GPC2: variants seen among roughly 807,000 people sequenced by gnomAD.
The protein encoded by GPC2 is glypican-2.
A neutral mutation model predicts 57.3 loss-of-function variants in GPC2; 42 were observed. That is an observed-to-expected ratio of 0.73 (90% CI 0.57 to 0.95). The LOEUF is 0.95. Among genes scored for constraint, GPC2 ranks in the 40% least tolerant of loss-of-function variants. The pLI is 0.00. For missense variants in GPC2, 745 were observed against 793.6 expected (o/e 0.94, Z 0.74); for synonymous variants, 364 against 343.4 (o/e 1.06, Z -0.66).
rs1799145046 is a variant in GPC2 at position 100,169,750 on chromosome 7, C to T, written c.*480G>A. The stretch of plus-strand genomic sequence containing the variant: ...TAAAATTTGGTTTAAGAAATTGATA[C>T]TGAAAAAACTCAACAGAACCCAGGC... On this transcript the variant is annotated 3_prime_UTR_variant, in exon 10 of 10. Transcript: ENST00000292377. 1 of 153,310 alleles carries T rather than the reference C, an allele frequency of 6.5e-6. No individual in the cohort carries two copies. Among genetic ancestry groups the T allele is most frequent in the African/African-American group, 2.4e-5 (1 of 41,418 alleles). The allele number at this position is 153,310 out of a possible 1,614,324, so 9.5% of individuals were successfully genotyped here.
intron 2 of GPC2, 136 bp from the exon 3 acceptor site, chr7:100,176,030 T>TG (rs2116989820): frequency 1.7e-6 from 1 of 594,028 alleles, no homozygotes; most frequent in East Asian, 6.4e-5. Context: ...CTCTCAGAGA[T>TG]GGGGCAGACA....
chr7:100,173,472 C>A, intron 5 of GPC2: 1 of 159,414 alleles, frequency 6.3e-6, no homozygotes, highest in South Asian at 2.0e-4. Context: ...GAGATGCGGT[C>A]TAGCTACGTT....
chr7:100,171,597 T>A lies in GPC2; in HGVS notation c.1252A>T (p.Met418Leu), dbSNP rs1275743904. The change falls in exon 8 of 10, where the codon ATG becomes TTG. Residue 418 changes from methionine to leucine, a missense_variant. Met to Leu is a conservative substitution (Grantham distance 15). Around this residue, in one of 2 missense-constraint regions of GPC2, gnomAD observed 607 missense variants for 603.9 expected, o/e 1.01. Coordinates refer to ENST00000292377, the MANE Select transcript of GPC2 (RefSeq NM_152742.3). The surrounding 1 kb of genome is among the most constrained non-coding windows in gnomAD (Gnocchi z 4.8). Reference sequence around the variant, plus strand: ...GCCTCCAGCGAGGCGTCCGCTGCCATGCGAGAGTCTCCGCACACCGTCAGG... The same window carrying A: ...GCCTCCAGCGAGGCGTCCGCTGCCAAGCGAGAGTCTCCGCACACCGTCAGG... ...LSLTVCGDSRMAADASLEAAP... is the reference protein window; with the variant it reads ...LSLTVCGDSRLAADASLEAAP... 6.6e-7 allele frequency: 1 copy of A among 1,525,274 alleles called. No individual in the cohort carries two copies. Among genetic ancestry groups the A allele is most frequent in the East Asian group, 2.7e-5 (1 of 37,422 alleles). The allele number at this position is 1,525,274 out of a possible 1,614,324, so 94.5% of individuals were successfully genotyped here.
Position 100,172,229 on chromosome 7 carries a change from GAGAGAA to G in GPC2, c.893-18_893-13del, listed in dbSNP as rs1799192127. The stretch of plus-strand genomic sequence containing the variant: ...GATCAGGAGACCATCTTAAGGGAGG[GAGAGAA>G]AGAGAAAGGATGGGATGAGTGGTGA... On this transcript the variant is annotated splice_polypyrimidine_tract_variant and intron_variant, in intron 5 of 9. Transcript: ENST00000292377. The G allele has an allele frequency of 1.2e-6, 2 of 1,613,090 alleles. No homozygotes were observed. The highest frequency in any genetic ancestry group is 1.3e-5 in the African/African-American group (1 of 74,878).
At position 100,177,079 on chromosome 7, in the gene GPC2, C is replaced by A. The variant is rs775950099; in HGVS notation, c.121G>T (p.Ala41Ser). 1 of 1,603,486 alleles carries A rather than the reference C, an allele frequency of 6.2e-7. No individual in the cohort carries two copies. The highest frequency in any genetic ancestry group is 8.5e-7 in the Non-Finnish European group (1 of 1,173,914). Reference sequence around the variant, plus strand: ...ATTAGGTTTAAGCTATATCCCCGGGCCCCCAGCACCTGCCGGGTCTCTGCA... The same window carrying A: ...ATTAGGTTTAAGCTATATCCCCGGGACCCCAGCACCTGCCGGGTCTCTGCA... Reference protein sequence around the residue: ...SCAETRQVLGARGYSLNLIPP... With the variant: ...SCAETRQVLGSRGYSLNLIPP... Residue 41 changes from alanine (A) to serine (S), a missense_variant, in exon 1 of 10, where the codon GCC (alanine) becomes TCC (serine). By Grantham distance (99) the Ala-to-Ser change is moderately conservative (BLOSUM62 1). Transcript: ENST00000292377.
chr7:100,175,943 G>A (rs1278577795), intron 2 of GPC2, 49 bp from the exon 3 acceptor site: 1 of 1,500,080 alleles, frequency 6.7e-7, no homozygotes. Flanking sequence ...GCCAAAGAAT[G>A]GGGAGAAAAG....
In GPC2 at chr7:100,173,878, A is replaced by G; in HGVS notation, c.849T>C (p.Cys283=). ...CAGGCTCCAGTCCCCTGCTGCTGAGACAGCCACGAACCACGTTGAGGCAGA... is the reference window on the plus strand; with the variant it reads ...CAGGCTCCAGTCCCCTGCTGCTGAGGCAGCCACGAACCACGTTGAGGCAGA... ...QGFCLNVVRG[C]LSSRGLEPDW... is the part of the protein sequence containing the mutation. Residue 283 remains cysteine (C), a synonymous_variant, in exon 5 of 10, where the codon TGT becomes TGC. Transcript: ENST00000292377. 1 of 1,598,948 alleles carries G rather than the reference A, an allele frequency of 6.3e-7. No homozygotes were observed. Among genetic ancestry groups the G allele is most frequent in the Non-Finnish European group, 8.5e-7 (1 of 1,173,046 alleles).
In GPC2 at chr7:100,174,703, C is replaced by G; in HGVS notation, c.711G>C (p.Val237=). 6.2e-7 allele frequency: 1 copy of G among 1,613,720 alleles called. No individual in the cohort carries two copies. The highest frequency in any genetic ancestry group is 8.5e-7 in the Non-Finnish European group (1 of 1,179,728). The part of the protein sequence containing the change: ...FVQGLETGRN[V]VSEALKVPVS... ...CTCCAACCTTAAGCGCTTCGCTGAC[C>G]ACATTTCTTCCAGTCTCCAGGCCCT... is the stretch of plus-strand genomic sequence containing the variant. Residue 237 remains valine, a synonymous_variant, in exon 4 of 10, where the codon GTG becomes GTC. Coordinates refer to ENST00000292377, the MANE Select transcript of GPC2 (RefSeq NM_152742.3).
Position 100,175,802 on chromosome 7 carries a change from T to C in GPC2, c.418A>G (p.Ile140Val). 1.9e-6 allele frequency: 3 copies of C among 1,613,782 alleles called. No homozygotes were observed. The South Asian group carries it at 3.3e-5, about 18-fold the overall frequency. The change falls in exon 3 of 10, where the codon ATA (isoleucine) becomes GTA (valine). Residue 140 changes from isoleucine (I) to valine (V), a missense_variant. Around this residue, in one of 2 missense-constraint regions of GPC2, gnomAD observed 138 missense variants for 189.8 expected, o/e 0.73. Transcript: ENST00000292377. ...YGRLYAQHAL[I>V]FNGLFSRLRD... is the part of the protein sequence containing the mutation. ...AGCCGAGAGAACAGGCCATTGAATA[T>C]GAGGGCGTGCTGGGCATACAGGCGG...
chr7:100,173,294 G>T (rs547204265), intron 5 of GPC2, among the ~76,000 whole-genome samples: 1 of 152,058 alleles, frequency 6.6e-6, no homozygotes, highest in African/African-American at 2.4e-5. Flanking sequence ...TTTAGACAGG[G>T]TCTTACTCTC....
At chr7:100,170,950 C>G (rs1799166219) in intron 9 of GPC2, 2 of 362,262 alleles carry the variant, frequency 5.5e-6, no homozygotes, top group Non-Finnish European at 9.9e-6. Context: ...CACCCACCAC[C>G]CTGGCTTCCC....
chr7:100,171,903 G>A lies in GPC2; in HGVS notation c.1046C>T (p.Pro349Leu), dbSNP rs754065634. ...ACGGTTGCGGGCAGGCACCGGGTCG[G>A]GGGGGCCGCACTCCTGAAACACCTG... Reference protein sequence around the residue: ...SAQVFQECGPPDPVPARNRRA... With the variant: ...SAQVFQECGPLDPVPARNRRA... Residue 349 changes from proline to leucine, a missense_variant, in exon 7 of 10, where the codon CCC becomes CTC. Coordinates refer to ENST00000292377, the MANE Select transcript of GPC2 (RefSeq NM_152742.3). The surrounding 1 kb of genome is among the most constrained non-coding windows in gnomAD (Gnocchi z 4.8). The A allele has an allele frequency of 6.7e-7, 1 of 1,499,148 alleles. No individual in the cohort carries two copies. Among genetic ancestry groups the A allele is most frequent in the Non-Finnish European group, 8.9e-7 (1 of 1,129,174 alleles). The allele number at this position is 1,499,148 out of a possible 1,614,324, so 92.9% of individuals were successfully genotyped here.
chr7:100,173,617 TTTCTTTCCTTCC>T (rs1799221082), intron 5 of GPC2: 1 of 381,888 alleles, frequency 2.6e-6, no homozygotes, highest in Middle Eastern at 6.9e-4. Context: ...TTTCTTTTTC[TTTCTTTCCTTCC>T]TTCTTTCCTT....
Position 100,171,659 on chromosome 7 carries a change from C to A in GPC2, c.1190G>T (p.Arg397Leu). The A allele has an allele frequency of 2.0e-6, 3 of 1,509,998 alleles. No homozygotes were observed. The highest frequency in any genetic ancestry group is 1.2e-5 in the South Asian group (1 of 80,644). 93.5% of individuals were successfully genotyped at this position (1,509,998 alleles called of 1,614,324 possible). Residue 397 changes from arginine (R) to leucine (L), a missense_variant, in exon 8 of 10, where the codon CGT becomes CTT. By Grantham distance (102) the Arg-to-Leu change is moderately radical. Around this residue, in one of 2 missense-constraint regions of GPC2, gnomAD observed 607 missense variants for 603.9 expected, o/e 1.01. Transcript: ENST00000292377. This position sits in a 1 kb window ranked among gnomAD's most constrained non-coding sequence, Gnocchi z 4.8. The stretch of plus-strand genomic sequence containing the variant: ...CCAGAAGCCCCGCATCCGGGCCAGA[C>A]GCTCGCGGAGCTCCCACACCTGGGC... ...LHRLVWELRE[R>L]LARMRGFWAR...
Position 100,177,084 on chromosome 7 carries a change from A to T in GPC2, c.116T>A (p.Leu39Gln). 6.2e-7 allele frequency: 1 copy of T among 1,602,654 alleles called. No individual in the cohort carries two copies. The highest frequency in any genetic ancestry group is 1.7e-4 in the Middle Eastern group (1 of 6,004). Reference protein sequence around the residue: ...TRSCAETRQVLGARGYSLNLI... With the variant: ...TRSCAETRQVQGARGYSLNLI... ...GTTTAAGCTATATCCCCGGGCCCCC[A>T]GCACCTGCCGGGTCTCTGCACAACT... Residue 39 changes from leucine to glutamine, a missense_variant, in exon 1 of 10, where the codon CTG becomes CAG. Coordinates refer to ENST00000292377, the MANE Select transcript of GPC2 (RefSeq NM_152742.3).
At chr7:100,172,639 A>ATATATATATGTGTGTGTG in intron 5 of GPC2, among the ~76,000 whole-genome samples, 1 of 134,946 alleles carries the variant, frequency 7.4e-6, no homozygotes, top group African/African-American at 2.6e-5. Context: ...TAATTTTTGT[A>ATATATATATGTGTGTGTG]TATATATATA....
At position 100,171,838 on chromosome 7, in the gene GPC2, A is replaced by C. The variant is rs1363157607; in HGVS notation, c.1111T>G (p.Ser371Ala). ...GGCCGCTCCTCCTCGGTCACCATCGACCACAGCCGGCCCGCCTCTTCCCGG... is the reference window on the plus strand; with the variant it reads ...GGCCGCTCCTCCTCGGTCACCATCGCCCACAGCCGGCCCGCCTCTTCCCGG... The part of the protein sequence containing the change: ...PPREEAGRLW[S>A]MVTEEERPTT... Residue 371 changes from serine (S) to alanine (A), a missense_variant, in exon 7 of 10, where the codon TCG becomes GCG. Ser to Ala is a moderately conservative substitution (Grantham distance 99). This residue lies in a region of GPC2 where 607 missense variants were observed against 603.9 expected (regional missense o/e 1.01). Coordinates refer to ENST00000292377, the MANE Select transcript of GPC2 (RefSeq NM_152742.3). This position sits in a 1 kb window ranked among gnomAD's most constrained non-coding sequence, Gnocchi z 4.8. The C allele has an allele frequency of 6.4e-7, 1 of 1,562,638 alleles. No individual in the cohort carries two copies. Among genetic ancestry groups the C allele is most frequent in the East Asian group, 2.3e-5 (1 of 42,950 alleles).
In GPC2 at chr7:100,175,767, G is replaced by T. The variant is rs760890160; in HGVS notation, c.453C>A (p.Phe151Leu). Residue 151 changes from phenylalanine (F) to leucine (L), a missense_variant, in exon 3 of 10, where the codon TTC (phenylalanine) becomes TTA (leucine). Physicochemically the swap from Phe to Leu is conservative, Grantham distance 22. Around this residue, in one of 2 missense-constraint regions of GPC2, gnomAD observed 607 missense variants for 603.9 expected, o/e 1.01. Transcript: ENST00000292377. The stretch of plus-strand genomic sequence containing the variant: ...CCAACCCCTCACCAGATTCCCCATA[G>T]AAGTCTCGCAGCCGAGAGAACAGGC... ...FNGLFSRLRDFYGESGEGLDD... is the reference protein window; with the variant it reads ...FNGLFSRLRDLYGESGEGLDD... 6.2e-7 allele frequency: 1 copy of T among 1,614,120 alleles called. No homozygotes were observed. The highest frequency in any genetic ancestry group is 2.2e-5 in the East Asian group (1 of 44,870).
At chr7:100,175,985 G>C (rs901860716) in intron 2 of GPC2, 91 bp from the exon 3 acceptor site, 2 of 1,075,362 alleles carry the variant, frequency 1.9e-6, no homozygotes, top group Admixed American at 2.3e-5. Context: ...AGATGGGAGA[G>C]AAGAGAAAAG....
Sources: allele counts gnomAD v4.1 joint callset (sites outside exome capture counted in the v4.1 genomes callset), GRCh38; gene constraint gnomAD v4.1.1; regional missense constraint gnomAD v4.1.1; non-coding constraint Gnocchi (gnomAD v3.1); transcripts MANE v1.5; gene names NCBI Gene and HGNC (gene_info 2026-07-23, HGNC 2026-07-21).